Variants in FBLN2 observed in about 807,000 individuals in gnomAD.
FBLN2 encodes the protein fibulin-2.
In FBLN2, 81 loss-of-function variants were observed where a neutral mutation model predicts 123.7. That is an observed-to-expected ratio of 0.65 (90% confidence interval 0.55 to 0.79). FBLN2 has a LOEUF of 0.79. Among genes scored for constraint, FBLN2 ranks in the 30% least tolerant of loss-of-function variants. The pLI is 0.00. For synonymous variants in FBLN2, 699 were observed against 701.4 expected, an observed-to-expected ratio of 1.00 and a Z score of 0.05; for missense variants, 1,603 against 1,681.3, an observed-to-expected ratio of 0.95 and a Z score of 0.81.
At chr3:13,554,371 C>G (rs11705840) in intron 1 of FBLN2, among the ~76,000 whole-genome samples, 8,380 of 152,328 alleles carry the variant, frequency 0.055, 292 homozygotes, top group East Asian at 0.13. Flanking sequence ...CCTGGGACCC[C>G]CATCCTGGCC....
chr3:13,624,399 G>A (rs538470346), intron 9 of FBLN2, among the ~76,000 whole-genome samples: 1 of 152,314 alleles, frequency 6.6e-6, no homozygotes, highest in Non-Finnish European at 1.5e-5. Flanking sequence ...CTGGGGTCCT[G>A]GGAATGGTCT....
chr3:13,562,479 C>T (rs890878833), intron 1 of FBLN2, among the ~76,000 whole-genome samples: 3 of 151,714 alleles, frequency 2.0e-5, no homozygotes, highest in African/African-American at 7.3e-5. Flanking sequence ...GCCTCAGCCT[C>T]CCAAGTAGCT....
intron 2 of FBLN2, among the ~76,000 whole-genome samples, chr3:13,603,203 G>A (rs994790563): frequency 2.0e-5 from 3 of 150,262 alleles, no homozygotes; most frequent in Non-Finnish European, 3.0e-5. Flanking sequence ...GAGCCACTAC[G>A]CCTGGCCTCC....
chr3:13,600,014 CGACAGAGA>C (rs1292375698), intron 2 of FBLN2, among the ~76,000 whole-genome samples: 1 of 129,404 alleles, frequency 7.7e-6, no homozygotes, highest in African/African-American at 3.6e-5. Flanking sequence ...TTAAAAAACA[CGACAGAGA>C]GAGAGAGAGA....
intron 1 of FBLN2, among the ~76,000 whole-genome samples, chr3:13,558,431 C>T (rs529765795): frequency 6.6e-5 from 10 of 152,174 alleles, no homozygotes; most frequent in South Asian, 2.1e-4. Context: ...AAAAGGCGGA[C>T]GCAGGAGTGA....
intron 2 of FBLN2, among the ~76,000 whole-genome samples, chr3:13,591,859 G>GT (rs550092289): frequency 2.2e-3 from 337 of 152,198 alleles, no homozygotes; most frequent in African/African-American, 7.0e-3. Context: ...TCTGTGTATG[G>GT]TGTGAGTAGG....
intron 3 of FBLN2, among the ~76,000 whole-genome samples, chr3:13,608,808 A>G (rs886581251): frequency 6.6e-6 from 1 of 152,208 alleles, no homozygotes; most frequent in Admixed American, 6.5e-5. Flanking sequence ...GATTCACTCA[A>G]AACTACACAG....
intron 1 of FBLN2, among the ~76,000 whole-genome samples, chr3:13,569,661 G>A (rs995766743): frequency 2.0e-5 from 3 of 152,060 alleles, no homozygotes; most frequent in Non-Finnish European, 2.9e-5. Flanking sequence ...AGTCCCGAGG[G>A]TCTCAGAGGT....
chr3:13,612,020 C>T (rs768178064), intron 4 of FBLN2, among the ~76,000 whole-genome samples: 8 of 152,146 alleles, frequency 5.3e-5, no homozygotes, highest in Non-Finnish European at 8.8e-5. Context: ...GACTGAGGAG[C>T]GGGAGAGGGA....
rs552276544 is a variant in FBLN2, at chr3:13,632,405, C to A, written c.3214+948C>A. Reference sequence around the variant, plus strand: ...GGGTGTGACCAGGGTCCTGGCCCAGCCTTGGGCATTTTCTTGGCCCGCAAA... The same window carrying A: ...GGGTGTGACCAGGGTCCTGGCCCAGACTTGGGCATTTTCTTGGCCCGCAAA... On this transcript the variant is annotated intron_variant, in intron 16 of 17. Transcript: ENST00000404922. 3.9e-5 allele frequency among the ~76,000 whole-genome samples: 6 copies of A among 152,352 alleles called. No individual in the cohort carries two copies. In the South Asian group the frequency reaches 1.2e-3, roughly 32 times the overall value.
At chr3:13,571,747 G>C in intron 2 of FBLN2, 86 bp downstream of exon 2, 1 of 1,430,866 alleles carries the variant, frequency 7.0e-7, no homozygotes. Flanking sequence ...TCTCTGCCTG[G>C]GGCTGGGGAT....
At chr3:13,604,870 G>A (rs1179209414) in intron 2 of FBLN2, among the ~76,000 whole-genome samples, 1 of 152,268 alleles carries the variant, frequency 6.6e-6, no homozygotes, top group Non-Finnish European at 1.5e-5. Context: ...AGGCAACGCA[G>A]CCGATGACCC....
At chr3:13,594,593 C>T (rs1704783691) in intron 2 of FBLN2, among the ~76,000 whole-genome samples, 1 of 152,180 alleles carries the variant, frequency 6.6e-6, no homozygotes, top group Non-Finnish European at 1.5e-5. Flanking sequence ...TCTTGGTTTT[C>T]CCAGCTGGGT....
chr3:13,621,949 C>G, intron 9 of FBLN2, 34 bp downstream of exon 9: 1 of 1,602,216 alleles, frequency 6.2e-7, no homozygotes, highest in Non-Finnish European at 8.5e-7. Context: ...CCCGCCGTCA[C>G]AGCTCTCCGC....
chr3:13,600,040 A>AGAGC (rs1553619727), intron 2 of FBLN2, among the ~76,000 whole-genome samples: 5 of 139,442 alleles, frequency 3.6e-5, no homozygotes, highest in Non-Finnish European at 6.2e-5. Flanking sequence ...AGAGAGAGAG[A>AGAGC]GAGAGCGAGA....
At chr3:13,604,927 C>T (rs1019734309) in intron 2 of FBLN2, among the ~76,000 whole-genome samples, 13 of 152,244 alleles carry the variant, frequency 8.5e-5, no homozygotes, top group African/African-American at 1.4e-4. Flanking sequence ...CCGTCCTTCA[C>T]GGCATCTATC....
At chr3:13,617,195 C>A (rs952949800) in intron 5 of FBLN2, among the ~76,000 whole-genome samples, 1 of 149,506 alleles carries the variant, frequency 6.7e-6, no homozygotes, top group East Asian at 2.2e-4. Flanking sequence ...TCCATCCATC[C>A]ATCCATCTAC....
intron 2 of FBLN2, among the ~76,000 whole-genome samples, chr3:13,598,642 G>T (rs1456946995): frequency 6.6e-6 from 1 of 152,180 alleles, no homozygotes; most frequent in African/African-American, 2.4e-5. Flanking sequence ...CTTTACATGA[G>T]ATGATATACA....
chr3:13,636,966 G>T (rs1363566514), intron 17 of FBLN2, among the ~76,000 whole-genome samples: 1 of 152,206 alleles, frequency 6.6e-6, no homozygotes, highest in African/African-American at 2.4e-5. Flanking sequence ...GCCTGTCCGG[G>T]GTGCGGGATC....
Sources: allele counts gnomAD v4.1 joint callset (sites outside exome capture counted in the v4.1 genomes callset), GRCh38; gene constraint gnomAD v4.1.1; transcripts MANE v1.5; gene names NCBI Gene and HGNC (gene_info 2026-07-23, HGNC 2026-07-21).